The following TMPRSS3 variants were observed in gnomAD, a reference collection of about 807,000 sequenced individuals.
TMPRSS3 encodes transmembrane protease serine 3.
Under a neutral mutation model 59.6 loss-of-function variants are expected in TMPRSS3, and 55 were observed. That is an observed-to-expected ratio of 0.92 (90% CI 0.74 to 1.16). The LOEUF is 1.16. Among genes scored for constraint, TMPRSS3 ranks in the 50% most tolerant of loss-of-function variants. The pLI, the probability that TMPRSS3 is intolerant of heterozygous loss-of-function variation, is 0.00. For missense variants in TMPRSS3, 596 were observed against 579.4 expected, an observed-to-expected ratio of 1.03 and a Z score of -0.29; for synonymous variants, 257 against 237.7, an observed-to-expected ratio of 1.08 and a Z score of -0.75.
At position 42,380,132 on chromosome 21, in the gene TMPRSS3, C is replaced by A; in HGVS notation, c.1033G>T (p.Ala345Ser). The A allele has an allele frequency of 6.2e-7, 1 of 1,613,796 alleles. No homozygotes were observed. The highest frequency in any genetic ancestry group is 8.5e-7 in the Non-Finnish European group (1 of 1,179,752). Residue 345 changes from alanine to serine, a missense_variant, in exon 10 of 13, where the codon GCC (alanine) becomes TCC (serine). Ala to Ser is a moderately conservative substitution (Grantham distance 99). Transcript: ENST00000644384. ...GKVCWTSGWG[A>S]TEDGGDASPV... The stretch of plus-strand genomic sequence containing the variant: ...GCCCACTGACCTCCATCCTCTGTGG[C>A]CCCCCATCCTGACGTCCAGCACACT...
chr21:42,380,144 A>T lies in TMPRSS3; in HGVS notation c.1021T>A (p.Ser341Thr). 6.2e-7 allele frequency: 1 copy of T among 1,614,084 alleles called. No homozygotes were observed. The highest frequency in any genetic ancestry group is 8.5e-7 in the Non-Finnish European group (1 of 1,180,002). ...NFPDGKVCWT[S>T]GWGATEDGGD... ...CCATCCTCTGTGGCCCCCCATCCTG[A>T]CGTCCAGCACACTTTTCCATCGGGG... is the stretch of plus-strand genomic sequence containing the variant. Residue 341 changes from serine to threonine, a missense_variant, in exon 10 of 13, where the codon TCA (serine) becomes ACA (threonine). By Grantham distance (58) the Ser-to-Thr change is moderately conservative. Transcript: ENST00000644384.
intron 10 of TMPRSS3, among the ~76,000 whole-genome samples, chr21:42,379,740 A>G (rs913008697): frequency 6.6e-6 from 1 of 152,148 alleles, no homozygotes; most frequent in Non-Finnish European, 1.5e-5. Context: ...AAGTCCCACA[A>G]GACAAAGAGT....
intron 5 of TMPRSS3, among the ~76,000 whole-genome samples, chr21:42,387,788 A>G (rs1362973217): frequency 1.3e-5 from 2 of 152,324 alleles, no homozygotes. Flanking sequence ...AGGAAGTCAG[A>G]AGGAAGGGGC....
In TMPRSS3 at chr21:42,389,976, G is replaced by A. The variant is rs367999701; in HGVS notation, c.156C>T (p.Ile52=). Residue 52 remains isoleucine (I), a synonymous_variant, in exon 3 of 13, where the codon ATC becomes ATT. Coordinates refer to ENST00000644384, the MANE Select transcript of TMPRSS3 (RefSeq NM_001256317.3). ...SLLPLKFFPI[I]VIGIIALILA... is the part of the protein sequence containing the mutation. Reference sequence around the variant, plus strand: ...ATATCAATGCAATGATCCCAATGACGATGATTGGAAAAAACTTCAATGGCA... The same window carrying A: ...ATATCAATGCAATGATCCCAATGACAATGATTGGAAAAAACTTCAATGGCA... 14 of 1,613,962 alleles carry A rather than the reference G, an allele frequency of 8.7e-6. No individual in the cohort carries two copies. The East Asian group carries it at 8.9e-5, about 10-fold the overall frequency.
intron 2 of TMPRSS3, among the ~76,000 whole-genome samples, chr21:42,390,626 G>A (rs368793816): frequency 2.0e-5 from 3 of 152,302 alleles, no homozygotes; most frequent in Non-Finnish European, 2.9e-5. Flanking sequence ...TACTCAGGAG[G>A]CTGAGGCATG....
chr21:42,377,763 T>G (rs1211965336), intron 10 of TMPRSS3, among the ~76,000 whole-genome samples: 2 of 152,164 alleles, frequency 1.3e-5, no homozygotes, highest in Non-Finnish European at 2.9e-5. Flanking sequence ...GCACATGGTA[T>G]CACAAGACAC....
chr21:42,385,840 CTT>C (rs933837859), intron 5 of TMPRSS3, among the ~76,000 whole-genome samples: 1 of 152,168 alleles, frequency 6.6e-6, no homozygotes, highest in Non-Finnish European at 1.5e-5. Flanking sequence ...TTGAGTCACT[CTT>C]TGCGCATTCC....
chr21:42,378,420 A>T (rs1489993525), intron 10 of TMPRSS3, among the ~76,000 whole-genome samples: 1 of 152,188 alleles, frequency 6.6e-6, no homozygotes, highest in Admixed American at 6.5e-5. Flanking sequence ...GTCTTTGCAG[A>T]TGTAATTAAG....
intron 11 of TMPRSS3, 40 bp downstream of exon 11, chr21:42,376,501 T>C: frequency 6.2e-7 from 1 of 1,610,810 alleles, no homozygotes. Context: ...AAGGGCTGGG[T>C]CACCCTGCCA....
At position 42,395,459 on chromosome 21, in the gene TMPRSS3, C is replaced by A; in HGVS notation, c.-42G>T. 1 of 1,512,008 alleles carries A rather than the reference C, an allele frequency of 6.6e-7. No individual in the cohort carries two copies. Among genetic ancestry groups the A allele is most frequent in the Non-Finnish European group, 9.2e-7 (1 of 1,087,616 alleles). 93.7% of individuals were successfully genotyped at this position (1,512,008 alleles called of 1,614,324 possible). ...CCTCTGACATCCGGCTCCGCCTCCA[C>A]CTCTACCTCCTTAGCCGAGGAAGAA... On this transcript the variant is annotated 5_prime_UTR_variant, in exon 2 of 13. Transcript: ENST00000644384.
chr21:42,388,841 G>T lies in TMPRSS3; in HGVS notation c.322+88C>A. Reference sequence around the variant, plus strand: ...GAAGACATGACCTAAAAATGGCAATGACTTGGACCCATTTTACAGATGGGA... The same window carrying T: ...GAAGACATGACCTAAAAATGGCAATTACTTGGACCCATTTTACAGATGGGA... On this transcript the variant is annotated intron_variant, in intron 4 of 12. Coordinates refer to ENST00000644384, the MANE Select transcript of TMPRSS3 (RefSeq NM_001256317.3). The surrounding 1 kb of genome is among the most constrained non-coding windows in gnomAD (Gnocchi z 5.1). The T allele has an allele frequency of 2.5e-6, 3 of 1,214,090 alleles. No homozygotes were observed. Among genetic ancestry groups the T allele is most frequent in the South Asian group, 2.4e-5 (2 of 83,072 alleles). 75.2% of individuals were successfully genotyped at this position (1,214,090 alleles called of 1,614,324 possible). A position where few individuals can be genotyped will look rare whatever the true frequency, so the allele number is the denominator to read the frequency against.
intron 2 of TMPRSS3, among the ~76,000 whole-genome samples, chr21:42,392,695 C>A (rs529467866): frequency 1.3e-5 from 2 of 152,212 alleles, no homozygotes; most frequent in African/African-American, 2.4e-5. Context: ...CGATCCCCCG[C>A]ACACTAACAA....
At chr21:42,377,797 C>T (rs549793156) in intron 10 of TMPRSS3, among the ~76,000 whole-genome samples, 7 of 152,316 alleles carry the variant, frequency 4.6e-5, no homozygotes, top group South Asian at 4.1e-4. Flanking sequence ...CGGAACGTGG[C>T]GAAACAGCTC....
intron 2 of TMPRSS3, among the ~76,000 whole-genome samples, chr21:42,390,843 G>A (rs1031424801): frequency 6.6e-6 from 1 of 151,944 alleles, no homozygotes; most frequent in Non-Finnish European, 1.5e-5. Context: ...AGGCAGAGAT[G>A]GGAACAATGC....
intron 10 of TMPRSS3, 110 bp downstream of exon 10, chr21:42,380,007 G>T (rs894145952): frequency 2.2e-6 from 2 of 894,920 alleles, no homozygotes; most frequent in Non-Finnish European, 3.6e-6. Context: ...CCTGGCCGGG[G>T]TATCTGGGCA....
At position 42,372,274 on chromosome 21, in the gene TMPRSS3, G is replaced by A. The variant is rs781515551; in HGVS notation, c.*488C>T. Reference sequence around the variant, plus strand: ...TTCTTAGTGAAGATCAGAAAGGAGCGTGAGGCTAGGCGTGGTGGCCCATGC... The same window carrying A: ...TTCTTAGTGAAGATCAGAAAGGAGCATGAGGCTAGGCGTGGTGGCCCATGC... On this transcript the variant is annotated 3_prime_UTR_variant, in exon 13 of 13. Transcript: ENST00000644384. The A allele has an allele frequency of 8.9e-5, 40 of 450,012 alleles. No individual in the cohort carries two copies. In the Middle Eastern group the frequency reaches 4.2e-3, roughly 48 times the overall value. The allele number at this position is 450,012 out of a possible 1,614,324, so 27.9% of individuals were successfully genotyped here. A position where few individuals can be genotyped will look rare whatever the true frequency, so the allele number is the denominator to read the frequency against.
chr21:42,389,423 T>C (rs2052696394), intron 3 of TMPRSS3, among the ~76,000 whole-genome samples: 1 of 152,146 alleles, frequency 6.6e-6, no homozygotes, highest in Non-Finnish European at 1.5e-5. Flanking sequence ...AGGCAGAAAG[T>C]GAACGAAGTG....
intron 10 of TMPRSS3, among the ~76,000 whole-genome samples, chr21:42,379,807 G>A (rs1348009551): frequency 6.6e-6 from 1 of 152,124 alleles, no homozygotes; most frequent in Admixed American, 6.5e-5. Flanking sequence ...TGTCTAGGTG[G>A]GCTCTGTATG....
intron 2 of TMPRSS3, among the ~76,000 whole-genome samples, 181 bp downstream of exon 2, chr21:42,395,143 G>A (rs368747528): frequency 6.6e-6 from 1 of 152,166 alleles, no homozygotes; most frequent in Admixed American, 6.5e-5. Flanking sequence ...TTAACGAAAC[G>A]ATCCCCTCTC....
Sources: allele counts gnomAD v4.1 joint callset (sites outside exome capture counted in the v4.1 genomes callset), GRCh38; gene constraint gnomAD v4.1.1; non-coding constraint Gnocchi (gnomAD v3.1); transcripts MANE v1.5; gene names NCBI Gene and HGNC (gene_info 2026-07-23, HGNC 2026-07-21).